Variants in CDH11 observed in about 807,000 individuals in gnomAD.
CDH11 encodes cadherin 11, also known as cadherin-11.
In CDH11, 11 loss-of-function variants were observed where a neutral mutation model predicts 67.8. That is an observed-to-expected ratio of 0.16 (90% CI 0.10 to 0.27). The LOEUF (loss-of-function observed/expected upper bound fraction) is 0.27, where lower values mean the gene tolerates loss of function less well. CDH11 is among the 10% of genes least tolerant of loss of function. The pLI, the probability that CDH11 is intolerant of heterozygous loss-of-function variation, is 1.00. For missense variants in CDH11, 847 were observed against 1,031.2 expected (o/e 0.82, Z 2.45); for synonymous variants, 419 against 400.0 (o/e 1.05, Z -0.57).
chr16:65,087,184 CAAT>C (rs1372839239), intron 1 of CDH11, among the ~76,000 whole-genome samples: 1 of 152,174 alleles, frequency 6.6e-6, no homozygotes, highest in Non-Finnish European at 1.5e-5. Context: ...CTTCCTCCAA[CAAT>C]GACAGCAGCA....
chr16:65,022,244 TA>T (rs71143550), intron 2 of CDH11, among the ~76,000 whole-genome samples: 134,288 of 150,494 alleles, frequency 0.89, 59,920 homozygotes, highest in East Asian at 0.98. Flanking sequence ...AAAACCAATT[TA>T]AAAAAAAAAA....
chr16:64,978,482 A>G (rs1484152682), intron 8 of CDH11, among the ~76,000 whole-genome samples: 3 of 152,226 alleles, frequency 2.0e-5, no homozygotes, highest in Non-Finnish European at 4.4e-5. Flanking sequence ...ATCTACAAAA[A>G]TAGGTGGTGA....
At chr16:65,060,055 C>T (rs1243240102) in intron 1 of CDH11, among the ~76,000 whole-genome samples, 3 of 152,004 alleles carry the variant, frequency 2.0e-5, no homozygotes, top group Non-Finnish European at 4.4e-5. Flanking sequence ...GGTATTATTG[C>T]GTTGGTGCTT....
intron 2 of CDH11, among the ~76,000 whole-genome samples, chr16:65,012,880 T>C (rs1343613023): frequency 1.3e-5 from 2 of 152,244 alleles, no homozygotes; most frequent in Admixed American, 1.3e-4. Context: ...CCTTCTTCTC[T>C]GAATTTCTAA....
intron 1 of CDH11, among the ~76,000 whole-genome samples, chr16:65,119,776 A>C: frequency 6.6e-6 from 1 of 152,244 alleles, no homozygotes; most frequent in South Asian, 2.1e-4. Flanking sequence ...GCATGCCTGC[A>C]AGACATTTTA....
At chr16:65,016,995 G>A (rs142854265) in intron 2 of CDH11, among the ~76,000 whole-genome samples, 123 of 152,298 alleles carry the variant, frequency 8.1e-4, no homozygotes, top group African/African-American at 2.9e-3. Flanking sequence ...TGCTGGGAGT[G>A]TCTTTAAGCA....
intron 7 of CDH11, chr16:64,985,367 A>G (rs1467221127): frequency 1.3e-5 from 2 of 151,910 alleles, no homozygotes; most frequent in East Asian, 1.9e-4. Context: ...TCTTTGTAAC[A>G]TCTCCCTTGA....
intron 2 of CDH11, among the ~76,000 whole-genome samples, chr16:65,048,781 A>AAT (rs1337608103): frequency 2.6e-5 from 4 of 152,004 alleles, no homozygotes; most frequent in African/African-American, 7.3e-5. Context: ...ATGTATGTAG[A>AAT]ATATATATAT....
chr16:64,970,960 C>T (rs2142424536), intron 11 of CDH11, among the ~76,000 whole-genome samples: 1 of 152,278 alleles, frequency 6.6e-6, no homozygotes, highest in Non-Finnish European at 1.5e-5. Context: ...AGGTCTGGGA[C>T]TACAAAAACA....
At chr16:65,014,862 T>C (rs979534323) in intron 2 of CDH11, among the ~76,000 whole-genome samples, 1 of 143,836 alleles carries the variant, frequency 7.0e-6, no homozygotes, top group Admixed American at 6.9e-5. Flanking sequence ...TTTAAAACAA[T>C]TTTTTTTTTT....
rs567307825 is a variant in CDH11 at position 65,043,305 on chromosome 16, A to G, written c.-173+10499T>C. ...TTTAATAGAGTTTGTCACAGGTTGG[A>G]TTATCTGGGACGCTGACTCTGAGAT... On this transcript the variant is annotated intron_variant, in intron 2 of 12. Coordinates refer to ENST00000268603, the MANE Select transcript of CDH11 (RefSeq NM_001797.4). Among the ~76,000 whole-genome samples, 377 of 152,256 alleles carry G rather than the reference A, an allele frequency of 2.5e-3. 3 individuals are homozygous for G. Among genetic ancestry groups the G allele is most frequent in the African/African-American group, 8.4e-3 (350 of 41,536 alleles).
At position 64,951,004 on chromosome 16, in the gene CDH11, C is replaced by T. The variant is rs776736292; in HGVS notation, c.1657G>A (p.Val553Met). 5.0e-6 allele frequency: 8 copies of T among 1,613,314 alleles called. No homozygotes were observed. Among genetic ancestry groups the T allele is most frequent in the African/African-American group, 2.7e-5 (2 of 74,934 alleles). ...CTGAACCCTCCACGCCGGGCGTACA[C>T]GCCTGCTGTGTTATCTGCAGAAAGA... ...VRDNRDNTAG[V>M]YARRGGFSRQ... Residue 553 changes from valine (V) to methionine (M), a missense_variant, in exon 12 of 13, where the codon GTG becomes ATG. Transcript: ENST00000268603.
chr16:65,033,940 T>C (rs529490519), intron 2 of CDH11, among the ~76,000 whole-genome samples: 1 of 152,242 alleles, frequency 6.6e-6, no homozygotes, highest in South Asian at 2.1e-4. Context: ...GAAAGACACT[T>C]ACACTTGGAT....
At chr16:64,996,688 T>G (rs1301674564) in intron 4 of CDH11, among the ~76,000 whole-genome samples, 1 of 152,182 alleles carries the variant, frequency 6.6e-6, no homozygotes, top group Non-Finnish European at 1.5e-5. Flanking sequence ...GTGGTGTATA[T>G]GTACCATGGA....
At chr16:64,981,782 C>T (rs771335471) in intron 8 of CDH11, 21 of 343,118 alleles carry the variant, frequency 6.1e-5, no homozygotes, top group Non-Finnish European at 9.9e-5. Flanking sequence ...GCAGACAGGC[C>T]CAGCTCAGGG....
At chr16:65,122,780 C>G (rs2142909412), upstream of CDH11, among the ~76,000 whole-genome samples, 1 of 152,242 alleles carries the variant, frequency 6.6e-6, no homozygotes, top group Admixed American at 6.5e-5. Flanking sequence ...CTAGTGCCCC[C>G]CACGCAACGC....
intron 8 of CDH11, among the ~76,000 whole-genome samples, chr16:64,976,923 T>C (rs991126310): frequency 6.6e-6 from 1 of 151,990 alleles, no homozygotes; most frequent in African/African-American, 2.4e-5. Flanking sequence ...CTAGGTGCAG[T>C]GGTTCATGCC....
At chr16:65,032,631 C>G (rs931114585) in intron 2 of CDH11, among the ~76,000 whole-genome samples, 5 of 152,170 alleles carry the variant, frequency 3.3e-5, no homozygotes, top group Non-Finnish European at 7.3e-5. Flanking sequence ...GCAGCAAAAA[C>G]AGTCAAAGAA....
At chr16:65,087,923 G>A (rs1319620213) in intron 1 of CDH11, among the ~76,000 whole-genome samples, 3 of 152,152 alleles carry the variant, frequency 2.0e-5, no homozygotes, top group African/African-American at 7.2e-5. Context: ...TCGTGGAAAT[G>A]TAGAGGTGCA....
Sources: gnomAD v4.1 joint callset for allele counts (sites outside exome capture counted in the v4.1 genomes callset) on GRCh38, gnomAD v4.1.1 for gene constraint, MANE v1.5 for transcripts, NCBI Gene and HGNC (gene_info 2026-07-23, HGNC 2026-07-21) for gene names.